AGBL1: variants seen among roughly 807,000 people sequenced by gnomAD.
AGBL1 encodes the protein cytosolic carboxypeptidase 4.
A neutral mutation model predicts 118.9 loss-of-function variants in AGBL1; 130 were observed. That is an observed-to-expected ratio of 1.09 (90% confidence interval 0.95 to 1.26). The LOEUF is 1.26. Among genes scored for constraint, AGBL1 ranks in the 50% most tolerant of loss-of-function variants. The pLI is 0.00. For missense variants in AGBL1, 1,584 were observed against 1,298.1 expected, an observed-to-expected ratio of 1.22 and a Z score of -3.38; for synonymous variants, 555 against 478.9, an observed-to-expected ratio of 1.16 and a Z score of -2.08.
chr15:86,241,168 T>C (rs1043264452), intron 6 of AGBL1, among the ~76,000 whole-genome samples: 2 of 152,060 alleles, frequency 1.3e-5, no homozygotes, highest in African/African-American at 4.8e-5. Context: ...CATTTTGGGG[T>C]GAGAAGTCAA....
At chr15:86,207,785 C>A (rs1260998773) in intron 5 of AGBL1, among the ~76,000 whole-genome samples, 1 of 152,120 alleles carries the variant, frequency 6.6e-6, no homozygotes, top group Non-Finnish European at 1.5e-5. Flanking sequence ...TCCTCTTTTC[C>A]TAATTGAATA....
chr15:86,329,420 T>C (rs1183871679), intron 17 of AGBL1, among the ~76,000 whole-genome samples: 2 of 152,266 alleles, frequency 1.3e-5, no homozygotes, highest in South Asian at 2.1e-4. Flanking sequence ...TGTGCATAGA[T>C]TGTGGTGCAG....
At chr15:86,303,045 G>A (rs1189886206) in intron 17 of AGBL1, among the ~76,000 whole-genome samples, 1 of 152,280 alleles carries the variant, frequency 6.6e-6, no homozygotes, top group African/African-American at 2.4e-5. Context: ...AAGGAGGATA[G>A]TGGTGTCATG....
chr15:86,612,645 A>G (rs1428729141), intron 21 of AGBL1, among the ~76,000 whole-genome samples: 4 of 152,154 alleles, frequency 2.6e-5, no homozygotes, highest in Non-Finnish European at 5.9e-5. Context: ...TTACACCCAA[A>G]TATATTTCTT....
intron 3 of AGBL1, among the ~76,000 whole-genome samples, chr15:86,146,750 A>T (rs1016265497): frequency 5.9e-5 from 9 of 152,242 alleles, no homozygotes; most frequent in Admixed American, 2.6e-4. Flanking sequence ...TGACCTGAAC[A>T]GAACAGAAAT....
At chr15:86,492,836 G>A (rs907093709) in intron 18 of AGBL1, among the ~76,000 whole-genome samples, 3 of 152,050 alleles carry the variant, frequency 2.0e-5, no homozygotes, top group Admixed American at 6.6e-5. Flanking sequence ...GTGGAGATGC[G>A]GTAGGACTAA....
chr15:86,243,862 T>A (rs954017983), intron 6 of AGBL1, among the ~76,000 whole-genome samples: 10 of 151,558 alleles, frequency 6.6e-5, no homozygotes, highest in Non-Finnish European at 1.5e-4. Context: ...TACAAAAAAA[T>A]TAGCAAAATT....
chr15:86,455,456 C>G (rs1423304816), intron 18 of AGBL1, among the ~76,000 whole-genome samples: 1 of 151,982 alleles, frequency 6.6e-6, no homozygotes, highest in African/African-American at 2.4e-5. Context: ...TATCCTGCTT[C>G]CCAATTGGTT....
intron 22 of AGBL1, among the ~76,000 whole-genome samples, chr15:86,825,833 G>T (rs1295604379): frequency 6.6e-6 from 1 of 151,442 alleles, no homozygotes; most frequent in Non-Finnish European, 1.5e-5. Context: ...AGAATGTAGA[G>T]AACCTGGATC....
At chr15:86,812,976 G>C (rs1167939095) in intron 22 of AGBL1, among the ~76,000 whole-genome samples, 1 of 152,058 alleles carries the variant, frequency 6.6e-6, no homozygotes, top group East Asian at 1.9e-4. Context: ...GGCTTTACAG[G>C]TGAGGAAATT....
At chr15:86,507,226 A>G (rs995160245) in intron 18 of AGBL1, among the ~76,000 whole-genome samples, 3 of 152,146 alleles carry the variant, frequency 2.0e-5, no homozygotes, top group African/African-American at 7.2e-5. Flanking sequence ...ACCACTGAAA[A>G]GAATCAAGCT....
chr15:86,550,314 C>T (rs2083647010), intron 20 of AGBL1, among the ~76,000 whole-genome samples: 1 of 151,996 alleles, frequency 6.6e-6, no homozygotes, highest in Non-Finnish European at 1.5e-5. Context: ...AACGAACAAA[C>T]CCTCATTCCA....
chr15:86,406,276 G>T (rs2081529266), intron 18 of AGBL1, among the ~76,000 whole-genome samples: 2 of 152,110 alleles, frequency 1.3e-5, no homozygotes, highest in South Asian at 4.1e-4. Flanking sequence ...ACTGTCAAGG[G>T]CATCTGAGCA....
chr15:86,778,096 C>G (rs1316686796), intron 22 of AGBL1, among the ~76,000 whole-genome samples: 2 of 152,030 alleles, frequency 1.3e-5, no homozygotes, highest in African/African-American at 4.8e-5. Context: ...CACATGTCAG[C>G]AGGTTCCATG....
At chr15:86,745,704 G>A (rs1038974210) in intron 22 of AGBL1, among the ~76,000 whole-genome samples, 3 of 152,128 alleles carry the variant, frequency 2.0e-5, no homozygotes, top group African/African-American at 7.2e-5. Flanking sequence ...GTCCAAGGCT[G>A]AGCCGAAATT....
At chr15:86,522,254 A>G (rs190015145) in intron 18 of AGBL1, among the ~76,000 whole-genome samples, 2 of 152,330 alleles carry the variant, frequency 1.3e-5, no homozygotes, top group Admixed American at 6.5e-5. Context: ...AAGCAGTGCA[A>G]TAGAAGAGAG....
intron 6 of AGBL1, among the ~76,000 whole-genome samples, chr15:86,231,294 C>T (rs1425922402): frequency 6.6e-6 from 1 of 152,174 alleles, no homozygotes; most frequent in Non-Finnish European, 1.5e-5. Context: ...ATTCCAGGTT[C>T]CTGACTTTAG....
intron 23 of AGBL1, among the ~76,000 whole-genome samples, chr15:86,951,814 G>T (rs2080883374): frequency 6.6e-6 from 1 of 152,012 alleles, no homozygotes; most frequent in Non-Finnish European, 1.5e-5. Flanking sequence ...ATATTTTCAA[G>T]CTCTATTGTT....
intron 16 of AGBL1, among the ~76,000 whole-genome samples, chr15:86,282,003 G>T (rs1237814830): frequency 6.6e-6 from 1 of 152,102 alleles, no homozygotes; most frequent in African/African-American, 2.4e-5. Context: ...TGCTCCAATG[G>T]ATTCTTGCTA....
Sources: gnomAD v4.1 joint callset for allele counts (sites outside exome capture counted in the v4.1 genomes callset) on GRCh38, gnomAD v4.1.1 for gene constraint, MANE v1.5 for transcripts, NCBI Gene and HGNC (gene_info 2026-07-23, HGNC 2026-07-21) for gene names.